The following SENP7 variants were observed in gnomAD, a reference collection of about 807,000 sequenced individuals.
SENP7 encodes the protein sentrin-specific protease 7.
Under a neutral mutation model 141.2 loss-of-function variants are expected in SENP7, and 64 were observed. The ratio of observed to expected loss-of-function variants is 0.45; its 90% CI spans 0.37 to 0.56. The LOEUF is 0.56. Ranked by LOEUF, SENP7 falls within the 20% of genes least tolerant of loss-of-function variation. The pLI is 0.00. For synonymous variants in SENP7, 382 were observed against 426.4 expected, an observed-to-expected ratio of 0.90 and a Z score of 1.28; for missense variants, 1,025 against 1,212.2, an observed-to-expected ratio of 0.85 and a Z score of 2.29.
Position 101,468,236 on chromosome 3 carries a change from T to A in SENP7, c.187-9184A>T, listed in dbSNP as rs560567884. Reference sequence around the variant, plus strand: ...AAAGACCAAATCTACATTTGATTGCTGTACCTGAAAGTGATGGAGAGAATG... The same window carrying A: ...AAAGACCAAATCTACATTTGATTGCAGTACCTGAAAGTGATGGAGAGAATG... On this transcript the variant is annotated intron_variant, in intron 3 of 23. Transcript: ENST00000394095. Among the ~76,000 whole-genome samples the A allele has an allele frequency of 2.2e-3, 339 of 152,352 alleles. 1 individual carries two copies. Among genetic ancestry groups the A allele is most frequent in the Non-Finnish European group, 2.9e-3 (194 of 68,030 alleles).
rs1168285268 is a variant in SENP7, at chr3:101,479,892, C to CAAAAAAAAAAAAAAAAAAAAAA, written c.186+13959_186+13980dup. ...ATAGCAATTCCACTTACAACAGCTA[C>CAAAAAAAAAAAAAAAAAAAAAA]AAAAAAAAAAAAAAAAAAAAAAAAA... On this transcript the variant is annotated intron_variant, in intron 3 of 23. Transcript: ENST00000394095. Among the ~76,000 whole-genome samples, 4 of 7,346 alleles carry CAAAAAAAAAAAAAAAAAAAAAA rather than the reference C, an allele frequency of 5.4e-4. 1 individual carries two copies. The highest frequency in any genetic ancestry group is 6.8e-4 in the Non-Finnish European group (3 of 4,444). The allele number at this position is 7,346 out of a possible 152,430, so 4.8% of individuals were successfully genotyped here. A position where few individuals can be genotyped will look rare whatever the true frequency, so the allele number is the denominator to read the frequency against.
At chr3:101,353,024 G>C (rs891925729) in intron 11 of SENP7, among the ~76,000 whole-genome samples, 1 of 151,874 alleles carries the variant, frequency 6.6e-6, no homozygotes, top group Non-Finnish European at 1.5e-5. Flanking sequence ...GTAACTTATT[G>C]AACTTTTTCC....
At chr3:101,480,850 T>C (rs2064441279) in intron 3 of SENP7, among the ~76,000 whole-genome samples, 1 of 151,564 alleles carries the variant, frequency 6.6e-6, no homozygotes, top group Non-Finnish European at 1.5e-5. Context: ...GACATACAAA[T>C]GGCCAACAGG....
intron 1 of SENP7, among the ~76,000 whole-genome samples, chr3:101,506,129 T>G (rs2065599436): frequency 6.6e-6 from 1 of 151,116 alleles, no homozygotes. Context: ...CAAGCGATTC[T>G]CCCGCTTCAG....
At chr3:101,418,813 CA>C (rs934448323) in intron 4 of SENP7, among the ~76,000 whole-genome samples, 4 of 150,320 alleles carry the variant, frequency 2.7e-5, no homozygotes, top group African/African-American at 4.9e-5. Context: ...TGCACACACA[CA>C]AAAAAAAATT....
intron 9 of SENP7, 61 bp from the exon 10 acceptor site, chr3:101,365,052 A>G: frequency 9.2e-7 from 1 of 1,090,460 alleles, no homozygotes; most frequent in Non-Finnish European, 1.2e-6. Context: ...TTATTTTTTG[A>G]GACACAGTCT....
At chr3:101,358,230 A>G (rs1049401744) in intron 11 of SENP7, 1 of 874,158 alleles carries the variant, frequency 1.1e-6, no homozygotes, top group South Asian at 1.3e-5. Context: ...ACTAAACATA[A>G]GAGAACTCAT....
chr3:101,428,974 C>T (rs1003675135), intron 4 of SENP7, among the ~76,000 whole-genome samples: 32 of 152,226 alleles, frequency 2.1e-4, no homozygotes, highest in African/African-American at 6.7e-4. Context: ...TTGTTTTTGT[C>T]AGGTTTGTCA....
At chr3:101,482,608 A>G (rs2064540414) in intron 3 of SENP7, among the ~76,000 whole-genome samples, 1 of 152,200 alleles carries the variant, frequency 6.6e-6, no homozygotes, top group Non-Finnish European at 1.5e-5. Flanking sequence ...TAAAAAACAC[A>G]ATTTTTAAAG....
rs768168449 is a variant in SENP7, at chr3:101,372,054, T to C, written c.750A>G (p.Arg250=). The part of the protein sequence containing the change: ...KQTAHNKEKR[R]KDDGISLLIS... ...TTAAAAGAGAAATGCCATCATCCTT[T>C]CTTCGTTTTTCTTTATTGTGCGCAG... Residue 250 remains arginine (R), a synonymous_variant, in exon 7 of 24, where the codon AGA becomes AGG. Transcript: ENST00000394095. 2.2e-5 allele frequency: 34 copies of C among 1,567,606 alleles called. No individual in the cohort carries two copies. In the Admixed American group the frequency reaches 5.7e-4, roughly 26 times the overall value.
At chr3:101,380,063 C>CA (rs1472139808) in intron 6 of SENP7, among the ~76,000 whole-genome samples, 1 of 152,146 alleles carries the variant, frequency 6.6e-6, no homozygotes, top group African/African-American at 2.4e-5. Flanking sequence ...CGAGATAAGT[C>CA]AGTTAGCAAA....
At chr3:101,412,036 A>C (rs1417040770) in intron 5 of SENP7, among the ~76,000 whole-genome samples, 1 of 152,186 alleles carries the variant, frequency 6.6e-6, no homozygotes, top group Non-Finnish European at 1.5e-5. Context: ...AATAGCAAGG[A>C]AACTGTCATA....
At chr3:101,394,720 TCC>T (rs2060918344) in intron 6 of SENP7, among the ~76,000 whole-genome samples, 2 of 152,088 alleles carry the variant, frequency 1.3e-5, no homozygotes, top group African/African-American at 4.8e-5. Context: ...CTGAGAAATC[TCC>T]ATACTGCTTT....
chr3:101,460,059 A>G (rs1576421090), intron 3 of SENP7, among the ~76,000 whole-genome samples: 1 of 152,200 alleles, frequency 6.6e-6, no homozygotes, highest in Admixed American at 6.5e-5. Flanking sequence ...AAATGAAAAG[A>G]CATCCCCTAA....
intron 6 of SENP7, among the ~76,000 whole-genome samples, chr3:101,388,793 A>C (rs935758359): frequency 6.6e-6 from 1 of 151,964 alleles, no homozygotes; most frequent in Non-Finnish European, 1.5e-5. Flanking sequence ...AAATAAATAG[A>C]TATCCAGAAA....
At chr3:101,422,266 C>T (rs1389623303) in intron 4 of SENP7, among the ~76,000 whole-genome samples, 1 of 152,164 alleles carries the variant, frequency 6.6e-6, no homozygotes, top group Non-Finnish European at 1.5e-5. Context: ...CTCTCAACCC[C>T]ATCCGTGGAA....
chr3:101,438,836 G>A (rs557022717), intron 4 of SENP7, among the ~76,000 whole-genome samples: 118 of 152,080 alleles, frequency 7.8e-4, no homozygotes, highest in African/African-American at 2.5e-3. Flanking sequence ...GCCGGCGAGC[G>A]CCGCCCGGGA....
At chr3:101,479,614 A>G (rs533443771) in intron 3 of SENP7, among the ~76,000 whole-genome samples, 1 of 151,834 alleles carries the variant, frequency 6.6e-6, no homozygotes, top group African/African-American at 2.4e-5. Flanking sequence ...GTCAAAAAAA[A>G]AAAAGAAAGA....
chr3:101,478,411 C>T (rs889380105), intron 3 of SENP7, among the ~76,000 whole-genome samples: 3 of 152,090 alleles, frequency 2.0e-5, no homozygotes, highest in Non-Finnish European at 2.9e-5. Flanking sequence ...ATACTAGCTG[C>T]TCAGGAGGCT....
Sources: gnomAD v4.1 joint callset for allele counts (sites outside exome capture counted in the v4.1 genomes callset) on GRCh38, gnomAD v4.1.1 for gene constraint, MANE v1.5 for transcripts, NCBI Gene and HGNC (gene_info 2026-07-23, HGNC 2026-07-21) for gene names.